Variants in ARHGEF16 observed in about 807,000 individuals in gnomAD.
ARHGEF16 encodes the protein Rho guanine exchange factor (GEF) 16.
ARHGEF16 carries 59 observed loss-of-function variants against 74.1 expected under a neutral mutation model. The ratio of observed to expected loss-of-function variants is 0.80; its 90% CI spans 0.65 to 0.99. The LOEUF is 0.99. ARHGEF16 is among the 50% of genes least tolerant of loss of function. The pLI is 0.00. For missense variants in ARHGEF16, 948 were observed against 986.6 expected, an observed-to-expected ratio of 0.96 and a Z score of 0.52; for synonymous variants, 415 against 412.6, an observed-to-expected ratio of 1.01 and a Z score of -0.07.
intron 1 of ARHGEF16, among the ~76,000 whole-genome samples, chr1:3,456,683 G>A (rs1639273632): frequency 6.6e-6 from 1 of 152,254 alleles, no homozygotes; most frequent in Non-Finnish European, 1.5e-5. Context: ...CACTGTCTGT[G>A]TGTCTGTCCT....
chr1:3,477,749 G>A (rs1569878992), intron 10 of ARHGEF16, 126 bp from the exon 11 acceptor site: 2 of 868,728 alleles, frequency 2.3e-6, no homozygotes, highest in South Asian at 3.2e-5. Context: ...TGGTCACCCA[G>A]TCCAGAGGCA....
rs1216318834 is a variant in ARHGEF16, at chr1:3,467,166, A to G, written c.635-2A>G. 1.3e-6 allele frequency: 2 copies of G among 1,550,032 alleles called. No individual in the cohort carries two copies. The highest frequency in any genetic ancestry group is 1.4e-5 in the African/African-American group (1 of 73,044). On this transcript the variant is annotated splice_acceptor_variant, in intron 3 of 14. Transcript: ENST00000378378. LOFTEE classifies it high-confidence loss of function. Reference sequence around the variant, plus strand: ...CACAGGTTACCCTCCTTCTCTCTCTAGACCCCCAGCTCTACCAGGAGATCC... The same window carrying G: ...CACAGGTTACCCTCCTTCTCTCTCTGGACCCCCAGCTCTACCAGGAGATCC...
chr1:3,471,269 G>T lies in ARHGEF16; in HGVS notation c.1022+1676G>T, dbSNP rs116088997. On this transcript the variant is annotated intron_variant, in intron 6 of 14. Coordinates refer to ENST00000378378, the MANE Select transcript of ARHGEF16 (RefSeq NM_014448.4). ...GAGGGGCGGTGCCTCTGGTCCCCTC[G>T]TGGGCTTGGGTGGCGCTGGGAGATG... Among the ~76,000 whole-genome samples, 6 of 152,104 alleles carry T rather than the reference G, an allele frequency of 3.9e-5. No homozygotes were observed. The South Asian group carries it at 1.2e-3, about 32-fold the overall frequency.
chr1:3,468,945 G>A lies in ARHGEF16; in HGVS notation c.861+9G>A. On this transcript the variant is annotated intron_variant, in intron 5 of 14. Coordinates refer to ENST00000378378, the MANE Select transcript of ARHGEF16 (RefSeq NM_014448.4). ...AGCGGAAAAGGCAGGAGGTAAAAGG[G>A]CCCTGGGCGGGAGGGCTGTCCCCCA... 1 of 1,549,656 alleles carries A rather than the reference G, an allele frequency of 6.5e-7. No individual in the cohort carries two copies. The highest frequency in any genetic ancestry group is 2.4e-5 in the East Asian group (1 of 40,872).
intron 12 of ARHGEF16, among the ~76,000 whole-genome samples, chr1:3,478,953 G>C (rs953462010): frequency 3.3e-5 from 5 of 151,170 alleles, no homozygotes; most frequent in African/African-American, 1.2e-4. Flanking sequence ...TTGCTCAGCA[G>C]AGGCCCCGAG....
intron 4 of ARHGEF16, 159 bp from the exon 5 acceptor site, chr1:3,468,721 C>A: frequency 1.3e-6 from 1 of 750,124 alleles, no homozygotes; most frequent in African/African-American, 1.7e-5. Flanking sequence ...GGGGATAGGC[C>A]CTCGGCAGGA....
At chr1:3,459,819 G>A (rs934786058) in intron 1 of ARHGEF16, among the ~76,000 whole-genome samples, 22 of 152,124 alleles carry the variant, frequency 1.4e-4, no homozygotes, top group African/African-American at 5.3e-4. Context: ...CACAGGCATC[G>A]TGTGATGGGG....
intron 14 of ARHGEF16, among the ~76,000 whole-genome samples, 163 bp from the exon 15 acceptor site, chr1:3,480,285 C>T (rs1051580374): frequency 1.4e-4 from 22 of 152,210 alleles, no homozygotes; most frequent in Admixed American, 9.2e-4. Flanking sequence ...GCTGGGTGCC[C>T]GGTGACCATG....
chr1:3,480,533 C>A lies in ARHGEF16; in HGVS notation c.2076C>A (p.Ala692=). 6.2e-7 allele frequency: 1 copy of A among 1,611,918 alleles called. No individual in the cohort carries two copies. Among genetic ancestry groups the A allele is most frequent in the Non-Finnish European group, 8.5e-7 (1 of 1,179,934 alleles). ...DFARFITSRV[A]VEGNVRRMER... Reference sequence around the variant, plus strand: ...CCCGCTTCATCACCAGCCGTGTGGCCGTGGAGGGCAATGTCCGCAGGATGG... The same window carrying A: ...CCCGCTTCATCACCAGCCGTGTGGCAGTGGAGGGCAATGTCCGCAGGATGG... Residue 692 remains alanine (A), a synonymous_variant, in exon 15 of 15, where the codon GCC becomes GCA. Transcript: ENST00000378378.
intron 11 of ARHGEF16, 120 bp downstream of exon 11, chr1:3,478,146 G>A (rs559687884): frequency 1.0e-5 from 14 of 1,383,914 alleles, no homozygotes; most frequent in South Asian, 5.2e-5. Context: ...GCCGAGGCGC[G>A]GCTTCCACTC....
intron 1 of ARHGEF16, among the ~76,000 whole-genome samples, chr1:3,458,799 A>G (rs924696894): frequency 4.6e-5 from 7 of 152,188 alleles, no homozygotes; most frequent in African/African-American, 1.4e-4. Flanking sequence ...CTCCAAAGAA[A>G]ATGTAATCCT....
In ARHGEF16 at chr1:3,463,339, C is replaced by T. The variant is rs779409117; in HGVS notation, c.255C>T (p.Thr85=). 7 of 1,550,154 alleles carry T rather than the reference C, an allele frequency of 4.5e-6. No individual in the cohort carries two copies. The African/African-American group carries it at 6.8e-5, about 15-fold the overall frequency. ...GCCCGGCGGCCCTCAAGCTGGGCAC[C>T]CAACAGCTGATCCCTAAGAGCCTGG... ...TESPAALKLG[T]QQLIPKSLAV... Residue 85 remains threonine, a synonymous_variant, in exon 2 of 15, where the codon ACC becomes ACT. Coordinates refer to ENST00000378378, the MANE Select transcript of ARHGEF16 (RefSeq NM_014448.4).
At chr1:3,463,695 C>G (rs772529783) in intron 2 of ARHGEF16, 23 bp downstream of exon 2, 2 of 1,376,980 alleles carry the variant, frequency 1.5e-6, no homozygotes, top group Non-Finnish European at 1.9e-6. Context: ...TCGTGTGGAC[C>G]GTGGGGAGGG....
intron 6 of ARHGEF16, chr1:3,472,784 C>T: frequency 2.5e-6 from 1 of 397,978 alleles, no homozygotes; most frequent in Non-Finnish European, 4.5e-6. Flanking sequence ...GGGGACAGTC[C>T]CTGGGGCTGC....
intron 1 of ARHGEF16, among the ~76,000 whole-genome samples, chr1:3,462,178 T>G (rs1569841423): frequency 6.6e-6 from 1 of 151,020 alleles, no homozygotes. Flanking sequence ...TGCTGGGGGG[T>G]GTACGTGGGA....
At chr1:3,478,716 A>G in intron 12 of ARHGEF16, 104 bp downstream of exon 12, 1 of 1,321,102 alleles carries the variant, frequency 7.6e-7, no homozygotes, top group Non-Finnish European at 1.0e-6. Flanking sequence ...GCTGGCTCTG[A>G]ACGCCCACCG....
intron 8 of ARHGEF16, chr1:3,474,368 C>T (rs998988377): frequency 3.2e-6 from 1 of 316,978 alleles, no homozygotes; most frequent in African/African-American, 2.1e-5. Context: ...CCAAACAGAA[C>T]CTCAAACTCC....
At position 3,463,259 on chromosome 1, in the gene ARHGEF16, C is replaced by T. The variant is rs1194570442; in HGVS notation, c.175C>T (p.Gln59Ter). The change falls in exon 2 of 15, where the codon CAG (glutamine) becomes TAG (stop). Residue 59 changes from glutamine to a stop codon, truncating the protein, a stop_gained. Coordinates refer to ENST00000378378, the MANE Select transcript of ARHGEF16 (RefSeq NM_014448.4). LOFTEE classifies it high-confidence loss of function. ...CCAGCCCCAGGTCCCGGCACCCCCA[C>T]AGCCTCGGCCCCCGGGGCACGAGGA... ...AFQPQVPAPPQPRPPGHEEPW... is the reference protein window; with the variant it reads ...AFQPQVPAPP 48 of 1,549,264 alleles carry T rather than the reference C, an allele frequency of 3.1e-5. No homozygotes were observed. The highest frequency in any genetic ancestry group is 4.1e-5 in the Non-Finnish European group (47 of 1,146,256).
intron 3 of ARHGEF16, among the ~76,000 whole-genome samples, 173 bp downstream of exon 3, chr1:3,466,366 G>T (rs1460480019): frequency 6.6e-6 from 1 of 152,126 alleles, no homozygotes. Flanking sequence ...ATGTAGCCCT[G>T]ATGAGTCTAG....
Sources: gnomAD v4.1 joint callset for allele counts (sites outside exome capture counted in the v4.1 genomes callset) on GRCh38, gnomAD v4.1.1 for gene constraint, MANE v1.5 for transcripts, NCBI Gene and HGNC (gene_info 2026-07-23, HGNC 2026-07-21) for gene names.